The following HLX variants were observed in gnomAD, a reference collection of about 807,000 sequenced individuals.
The protein encoded by HLX is H2.0 like homeobox, also known as H2.0-like homeobox protein.
HLX carries 6 observed loss-of-function variants against 27.7 expected under a neutral mutation model. The ratio of observed to expected loss-of-function variants is 0.22; its 90% CI spans 0.12 to 0.43. The LOEUF (loss-of-function observed/expected upper bound fraction) is 0.43. Among genes scored for constraint, HLX ranks in the 20% least tolerant of loss-of-function variants. HLX has a pLI of 1.00. For synonymous variants in HLX, 328 were observed against 293.8 expected (o/e 1.12, Z -1.19); for missense variants, 666 against 655.2 (o/e 1.02, Z -0.18).
chr1:220,884,467 G>T lies in HLX; in HGVS notation c.1230G>T (p.Pro410=), dbSNP rs577385808. ...ACCAAACAACAGTTATTAAGGCCCC[G>T]GTCACTGGCGCCCTCATTACCGCCA... The part of the protein sequence containing the change: ...SLHQTTVIKA[P]VTGALITASS... Residue 410 remains proline (P), a synonymous_variant, in exon 4 of 4, where the codon CCG becomes CCT. Coordinates refer to ENST00000366903, the MANE Select transcript of HLX (RefSeq NM_021958.4). This position sits in a 1 kb window ranked among gnomAD's most constrained non-coding sequence, Gnocchi z 4.9. 6.2e-7 allele frequency: 1 copy of T among 1,614,106 alleles called. No homozygotes were observed. The highest frequency in any genetic ancestry group is 2.2e-5 in the East Asian group (1 of 44,870).
Position 220,880,236 on chromosome 1 carries a change from C to G in HLX, c.379C>G (p.Gln127Glu). Residue 127 changes from glutamine (Q) to glutamate (E), a missense_variant, in exon 1 of 4, where the codon CAA becomes GAA. Gln to Glu is a conservative substitution (Grantham distance 29, BLOSUM62 2). Transcript: ENST00000366903. ...CTACCACCACCATCACCCGCAACAA[C>G]AACAGCAGCAGCAACAGCCGCAGCA... The part of the protein sequence containing the change: ...AAYHHHHPQQ[Q>E]QQQQQPQQQQ... The G allele has an allele frequency of 6.2e-7, 1 of 1,612,500 alleles. No individual in the cohort carries two copies. The highest frequency in any genetic ancestry group is 8.5e-7 in the Non-Finnish European group (1 of 1,178,836).
Position 220,879,545 on chromosome 1 carries a change from G to T in HLX, c.-313G>T, listed in dbSNP as rs1674376641. On this transcript the variant is annotated 5_prime_UTR_variant, in exon 1 of 4. Transcript: ENST00000366903. ...GGTTTTCTTGCGGTGTCCGGCTCCC[G>T]TCTCCCTGGCTCCCCCGCCCGCCCT... is the stretch of plus-strand genomic sequence containing the variant. 1.3e-5 allele frequency: 6 copies of T among 446,466 alleles called. No homozygotes were observed. Among genetic ancestry groups the T allele is most frequent in the South Asian group, 7.4e-5 (2 of 27,078 alleles). The allele number at this position is 446,466 out of a possible 1,614,324, so 27.7% of individuals were successfully genotyped here. A position where few individuals can be genotyped will look rare whatever the true frequency, so the allele number is the denominator to read the frequency against.
rs775163055 is a variant in HLX, at chr1:220,882,331, G to T, written c.940G>T (p.Gly314Cys). Residue 314 changes from glycine (G) to cysteine (C), a missense_variant, in exon 3 of 4, where the codon GGC (glycine) becomes TGC (cysteine). Coordinates refer to ENST00000366903, the MANE Select transcript of HLX (RefSeq NM_021958.4). ...PDRKQLAAML[G>C]LTDAQVKVWF... ...CCGAAAGCAGCTGGCGGCGATGCTG[G>T]GCCTCACGGACGCACAGGTAAGGCA... The T allele has an allele frequency of 6.2e-7, 1 of 1,614,238 alleles. No individual in the cohort carries two copies. Among genetic ancestry groups the T allele is most frequent in the Admixed American group, 1.7e-5 (1 of 60,036 alleles).
rs199775753 is a variant in HLX at position 220,881,214 on chromosome 1, G to C, written c.613G>C (p.Gly205Arg). ...CCCAGATCTCACTTCCCTGCTAACC[G>C]GTGGGCGGCCCGCCGGGGTGCACCT... ...TLRDLTSLLT[G>R]GRPAGVHLSG... Residue 205 changes from glycine to arginine, a missense_variant, in exon 2 of 4, where the codon GGT becomes CGT. By Grantham distance (125) the Gly-to-Arg change is moderately radical (BLOSUM62 -2). Transcript: ENST00000366903. The C allele has an allele frequency of 2.5e-6, 4 of 1,613,932 alleles. No homozygotes were observed. The highest frequency in any genetic ancestry group is 1.3e-5 in the African/African-American group (1 of 74,928).
In HLX at chr1:220,882,203, C is replaced by A. The variant is rs773092598; in HGVS notation, c.812C>A (p.Thr271Lys). 6.2e-7 allele frequency: 1 copy of A among 1,614,198 alleles called. No homozygotes were observed. Among genetic ancestry groups the A allele is most frequent in the Non-Finnish European group, 8.5e-7 (1 of 1,180,020 alleles). The change falls in exon 3 of 4, where the codon ACG becomes AAG. Residue 271 changes from threonine to lysine, a missense_variant. By Grantham distance (78) the Thr-to-Lys change is moderately conservative (BLOSUM62 -1). Coordinates refer to ENST00000366903, the MANE Select transcript of HLX (RefSeq NM_021958.4). The stretch of plus-strand genomic sequence containing the variant: ...CTCACGAAGGACACCATGCCGCAGA[C>A]GTACAAAAGGAAGCGTTCATGGTCG... Reference protein sequence around the residue: ...AVLTKDTMPQTYKRKRSWSRA... With the variant: ...AVLTKDTMPQKYKRKRSWSRA...
Position 220,879,790 on chromosome 1 carries a change from C to T in HLX, c.-68C>T. The T allele has an allele frequency of 6.8e-7, 1 of 1,477,782 alleles. No individual in the cohort carries two copies. Among genetic ancestry groups the T allele is most frequent in the South Asian group, 1.3e-5 (1 of 75,998 alleles). 91.5% of individuals were successfully genotyped at this position (1,477,782 alleles called of 1,614,324 possible). A position where few individuals can be genotyped will look rare whatever the true frequency, so the allele number is the denominator to read the frequency against. On this transcript the variant is annotated 5_prime_UTR_variant, in exon 1 of 4. Coordinates refer to ENST00000366903, the MANE Select transcript of HLX (RefSeq NM_021958.4). Reference sequence around the variant, plus strand: ...CGCCGCCTTCTCCGGGACTCGCGCGCCCCTCCCCGCGCGCCCACCCACCCA... The same window carrying T: ...CGCCGCCTTCTCCGGGACTCGCGCGTCCCTCCCCGCGCGCCCACCCACCCA...
intron 2 of HLX, chr1:220,881,735 T>G (rs1674449931): frequency 2.5e-6 from 1 of 407,202 alleles, no homozygotes; most frequent in Non-Finnish European, 4.6e-6. Context: ...CGAGTTTATG[T>G]CTGGGTGCCT....
chr1:220,884,482 C>A lies in HLX; in HGVS notation c.1245C>A (p.Leu415=). 4 of 1,614,116 alleles carry A rather than the reference C, an allele frequency of 2.5e-6. No individual in the cohort carries two copies. The highest frequency in any genetic ancestry group is 2.5e-6 in the Non-Finnish European group (3 of 1,180,006). Residue 415 remains leucine (L), a synonymous_variant, in exon 4 of 4, where the codon CTC becomes CTA. Coordinates refer to ENST00000366903, the MANE Select transcript of HLX (RefSeq NM_021958.4). This position sits in a 1 kb window ranked among gnomAD's most constrained non-coding sequence, Gnocchi z 4.9. ...TVIKAPVTGA[L]ITASSAGSGG... ...TTAAGGCCCCGGTCACTGGCGCCCT[C>A]ATTACCGCCAGCAGTGCTGGGAGTG...
At chr1:220,881,989 C>T (rs1407539539) in intron 2 of HLX, 175 bp from the exon 3 acceptor site, 1 of 704,420 alleles carries the variant, frequency 1.4e-6, no homozygotes, top group South Asian at 1.5e-5. Context: ...GTGTAAAATT[C>T]CTCCTTAGAG....
rs759920876 is a variant in HLX, at chr1:220,880,228, C to T, written c.371C>T (p.Pro124Leu). ...TCAGCCGCCTACCACCACCATCACCCGCAACAACAACAGCAGCAGCAACAG... is the reference window on the plus strand; with the variant it reads ...TCAGCCGCCTACCACCACCATCACCTGCAACAACAACAGCAGCAGCAACAG... ...PLSAAYHHHH[P>L]QQQQQQQQPQ... The change falls in exon 1 of 4, where the codon CCG becomes CTG. Residue 124 changes from proline to leucine, a missense_variant. Coordinates refer to ENST00000366903, the MANE Select transcript of HLX (RefSeq NM_021958.4). 3 of 1,611,696 alleles carry T rather than the reference C, an allele frequency of 1.9e-6. No homozygotes were observed. The highest frequency in any genetic ancestry group is 2.5e-6 in the Non-Finnish European group (3 of 1,178,844).
intron 1 of HLX, chr1:220,880,952 C>G: frequency 1.9e-6 from 1 of 515,486 alleles, no homozygotes; most frequent in Non-Finnish European, 3.5e-6. Context: ...GGCCGTAAGC[C>G]GATTTATGTA....
rs1321310977 is a variant in HLX at position 220,880,396 on chromosome 1, G to A, written c.539G>A (p.Arg180His). The A allele has an allele frequency of 2.5e-6, 4 of 1,613,954 alleles. No homozygotes were observed. The highest frequency in any genetic ancestry group is 8.5e-7 in the Non-Finnish European group (1 of 1,180,038). The change falls in exon 1 of 4, where the codon CGC (arginine) becomes CAC (histidine). Residue 180 changes from arginine to histidine, a missense_variant. Arg to His is a conservative substitution (Grantham distance 29). Transcript: ENST00000366903. ...AAAGACCTCAAATTTGGAATTGACC[G>A]CATTTTATCTGCAGAATTTGACCCA... Reference protein sequence around the residue: ...SSKDLKFGIDRILSAEFDPKV... With the variant: ...SSKDLKFGIDHILSAEFDPKV...
rs1387873840 is a variant in HLX, at chr1:220,880,309, C to T, written c.452C>T (p.Ala151Val). ...PPRAGALQPP[A>V]SGTRVVPNPH... ...CGGGCTGGCGCCCTGCAGCCCCCGGCCTCGGGGACGCGAGTGGTTCCGAAC... is the reference window on the plus strand; with the variant it reads ...CGGGCTGGCGCCCTGCAGCCCCCGGTCTCGGGGACGCGAGTGGTTCCGAAC... Residue 151 changes from alanine to valine, a missense_variant, in exon 1 of 4, where the codon GCC becomes GTC. Ala to Val is a moderately conservative substitution (Grantham distance 64). Transcript: ENST00000366903. 5.6e-6 allele frequency: 9 copies of T among 1,613,438 alleles called. No homozygotes were observed. Among genetic ancestry groups the T allele is most frequent in the Non-Finnish European group, 7.6e-6 (9 of 1,179,626 alleles).
At chr1:220,882,556 G>T in intron 3 of HLX, 1 of 584,468 alleles carries the variant, frequency 1.7e-6, no homozygotes, top group East Asian at 2.9e-5. Flanking sequence ...CGAGAGAAGA[G>T]CTCATCCCCA....
chr1:220,879,705 G>A lies in HLX; in HGVS notation c.-153G>A, dbSNP rs1558114838. 8 of 1,221,810 alleles carry A rather than the reference G, an allele frequency of 6.5e-6. No individual in the cohort carries two copies. The highest frequency in any genetic ancestry group is 8.6e-6 in the Non-Finnish European group (8 of 925,472). The allele number at this position is 1,221,810 out of a possible 1,614,324, so 75.7% of individuals were successfully genotyped here. On this transcript the variant is annotated 5_prime_UTR_variant, in exon 1 of 4. Transcript: ENST00000366903. The stretch of plus-strand genomic sequence containing the variant: ...CGCCTCCTCCCTCGGTGGCGCTAGG[G>A]CTCCCGGCCTCTCTTCCTCAGTGCG...
At chr1:220,882,437 C>A in intron 3 of HLX, 89 bp downstream of exon 3, 1 of 1,227,108 alleles carries the variant, frequency 8.1e-7, no homozygotes, top group African/African-American at 1.5e-5. Flanking sequence ...TCCCGGCCGA[C>A]TGGCCTCCTG....
intron 2 of HLX, chr1:220,881,787 CACACACACACA>C: frequency 2.5e-6 from 1 of 396,166 alleles, no homozygotes. Flanking sequence ...CACACACACA[CACACACACACA>C]CACACACACA....
chr1:220,879,595 A>C lies in HLX; in HGVS notation c.-263A>C, dbSNP rs2738754. On this transcript the variant is annotated 5_prime_UTR_variant, in exon 1 of 4. Transcript: ENST00000366903. The stretch of plus-strand genomic sequence containing the variant: ...TGCGGCCCCAGCGCCCCTCGCTCTC[A>C]TCCAGCCCGCGAGGAGTGCGGGCGC... The C allele has an allele frequency of 0.67, 359,025 of 535,030 alleles. 121,289 individuals are homozygous for C. The highest frequency in any genetic ancestry group is 0.78 in the African/African-American group (38,323 of 49,376). 33.1% of individuals were successfully genotyped at this position (535,030 alleles called of 1,614,324 possible).
At position 220,884,611 on chromosome 1, in the gene HLX, C is replaced by T. The variant is rs1427152229; in HGVS notation, c.1374C>T (p.Gly458=). 3.7e-6 allele frequency: 6 copies of T among 1,607,164 alleles called. No homozygotes were observed. Among genetic ancestry groups the T allele is most frequent in the South Asian group, 1.1e-5 (1 of 90,524 alleles). ...SAGCASSLGG[G]GASELLPATQ... is the part of the protein sequence containing the mutation. ...GTTGCGCCAGCAGCCTTGGCGGCGG[C>T]GGCGCCTCGGAGCTTCTCCCTGCAA... is the stretch of plus-strand genomic sequence containing the variant. Residue 458 remains glycine, a synonymous_variant, in exon 4 of 4, where the codon GGC becomes GGT. Transcript: ENST00000366903. The surrounding 1 kb of genome is among the most constrained non-coding windows in gnomAD (Gnocchi z 4.9).
Sources: allele counts gnomAD v4.1 joint callset, GRCh38; gene constraint gnomAD v4.1.1; non-coding constraint Gnocchi (gnomAD v3.1); transcripts MANE v1.5; gene names NCBI Gene and HGNC (gene_info 2026-07-23, HGNC 2026-07-21).